SMARCAD1: variants seen among roughly 807,000 people sequenced by gnomAD.
SMARCAD1 encodes SNF2 related chromatin remodeling ATPase with DExD box 1.
Under a neutral mutation model 127.1 loss-of-function variants are expected in SMARCAD1, and 25 were observed. That is an observed-to-expected ratio of 0.20 (90% CI 0.14 to 0.27). SMARCAD1 has a LOEUF of 0.27. SMARCAD1 is among the 10% of genes least tolerant of loss of function. SMARCAD1 has a pLI of 1.00. For synonymous variants in SMARCAD1, 400 were observed against 396.9 expected (o/e 1.01, Z -0.09); for missense variants, 807 against 1,206.0 (o/e 0.67, Z 4.90).
chr4:94,227,907 G>A (rs1745267109), intron 3 of SMARCAD1, among the ~76,000 whole-genome samples: 1 of 152,174 alleles, frequency 6.6e-6, no homozygotes, highest in African/African-American at 2.4e-5. Context: ...GCTGAAGAAG[G>A]GAAGTCCTCT....
In SMARCAD1 at chr4:94,285,035, G is replaced by C. The variant is rs1254413939; in HGVS notation, c.2985G>C (p.Leu995Phe). 6.2e-7 allele frequency: 1 copy of C among 1,613,116 alleles called. No homozygotes were observed. Among genetic ancestry groups the C allele is most frequent in the East Asian group, 2.2e-5 (1 of 44,750 alleles). The change falls in exon 23 of 24, where the codon TTG becomes TTC. Residue 995 changes from leucine (L) to phenylalanine (F), a missense_variant. Transcript: ENST00000354268. ...TGCTAAAAATTAACCAACAGAAATTGAAACTAGAACAGGATATGACTACAG... is the reference window on the plus strand; with the variant it reads ...TGCTAAAAATTAACCAACAGAAATTCAAACTAGAACAGGATATGACTACAG... The part of the protein sequence containing the change: ...ESMLKINQQK[L>F]KLEQDMTTVD...
chr4:94,284,379 C>G (rs1259918452), intron 22 of SMARCAD1, among the ~76,000 whole-genome samples: 1 of 129,704 alleles, frequency 7.7e-6, no homozygotes, highest in Non-Finnish European at 1.6e-5. Context: ...CATCTGAACA[C>G]AGAACTGTTT....
rs2110501430 is a variant in SMARCAD1 at position 94,207,974 on chromosome 4, G to C, written c.-146G>C. 8.3e-6 allele frequency: 3 copies of C among 362,972 alleles called. No homozygotes were observed. The highest frequency in any genetic ancestry group is 6.2e-5 in the South Asian group (3 of 48,070). 22.5% of individuals were successfully genotyped at this position (362,972 alleles called of 1,614,324 possible). Reference sequence around the variant, plus strand: ...CGCGGGCCCTGGCAGGTCCTTTCTCGAGGCAGGGGGCACGGTAGCACAGGG... The same window carrying C: ...CGCGGGCCCTGGCAGGTCCTTTCTCCAGGCAGGGGGCACGGTAGCACAGGG... On this transcript the variant is annotated 5_prime_UTR_variant, in exon 1 of 24. Transcript: ENST00000354268.
chr4:94,218,567 A>G (rs1743581246), intron 2 of SMARCAD1, among the ~76,000 whole-genome samples: 2 of 152,044 alleles, frequency 1.3e-5, no homozygotes, highest in Admixed American at 6.5e-5. Flanking sequence ...TGTTGGGATT[A>G]CCGCACCCAG....
At chr4:94,282,023 G>C (rs183354523) in intron 21 of SMARCAD1, among the ~76,000 whole-genome samples, 17 of 151,378 alleles carry the variant, frequency 1.1e-4, no homozygotes, top group East Asian at 9.8e-4. Flanking sequence ...CTGGGTGACA[G>C]AGCGGGACCC....
At chr4:94,228,867 C>T (rs931012123) in intron 3 of SMARCAD1, among the ~76,000 whole-genome samples, 2 of 151,964 alleles carry the variant, frequency 1.3e-5, no homozygotes, top group Non-Finnish European at 2.9e-5. Flanking sequence ...TTTTCTGTTT[C>T]TCAGGATACT....
chr4:94,254,303 TTTC>T (rs1467253914), intron 9 of SMARCAD1, among the ~76,000 whole-genome samples: 2 of 152,228 alleles, frequency 1.3e-5, no homozygotes, highest in Non-Finnish European at 2.9e-5. Context: ...TTTTCTTCCT[TTTC>T]TTCTTTCTTT....
intron 19 of SMARCAD1, among the ~76,000 whole-genome samples, 158 bp downstream of exon 19, chr4:94,279,208 G>A (rs896135959): frequency 2.0e-5 from 3 of 152,122 alleles, no homozygotes; most frequent in Non-Finnish European, 2.9e-5. Context: ...GCCAAGGCAG[G>A]CAGTCTGGGC....
chr4:94,224,659 A>G (rs554773274), intron 2 of SMARCAD1, among the ~76,000 whole-genome samples: 3 of 152,324 alleles, frequency 2.0e-5, no homozygotes, highest in Admixed American at 2.0e-4. Context: ...GTGAGCCCTA[A>G]TAATGATTGT....
At chr4:94,221,369 T>C (rs1744099962) in intron 2 of SMARCAD1, among the ~76,000 whole-genome samples, 1 of 152,202 alleles carries the variant, frequency 6.6e-6, no homozygotes, top group Non-Finnish European at 1.5e-5. Flanking sequence ...AAAATGTTTT[T>C]TCGTATGGTT....
chr4:94,259,346 A>T (rs1750606835), intron 9 of SMARCAD1, among the ~76,000 whole-genome samples: 1 of 152,226 alleles, frequency 6.6e-6, no homozygotes, highest in South Asian at 2.1e-4. Context: ...GTCACAGCAG[A>T]ATCTAATCAC....
intron 9 of SMARCAD1, among the ~76,000 whole-genome samples, chr4:94,257,686 CA>C (rs755441898): frequency 2.6e-5 from 4 of 151,344 alleles, no homozygotes; most frequent in Non-Finnish European, 4.4e-5. Context: ...TCCGCCCCCA[CA>C]AAAAAAAATC....
intron 22 of SMARCAD1, among the ~76,000 whole-genome samples, chr4:94,284,713 A>G (rs1002526728): frequency 9.2e-5 from 14 of 151,832 alleles, no homozygotes; most frequent in Admixed American, 3.3e-4. Context: ...GATTAGAGGC[A>G]TGAGCCACTG....
intron 23 of SMARCAD1, among the ~76,000 whole-genome samples, chr4:94,286,470 G>C (rs1208659114): frequency 6.6e-6 from 1 of 152,060 alleles, no homozygotes; most frequent in Non-Finnish European, 1.5e-5. Context: ...TAAGGATTCT[G>C]GGTGTGAACT....
chr4:94,289,468 T>G lies in SMARCAD1; in HGVS notation c.3020-5T>G. The G allele has an allele frequency of 6.2e-7, 1 of 1,611,474 alleles. No individual in the cohort carries two copies. The highest frequency in any genetic ancestry group is 8.5e-7 in the Non-Finnish European group (1 of 1,177,880). ...AAGCTTTTAATGCTACTTTCTGACCTACAGGTGATGAAGGGAGTATGCCAG... is the reference window on the plus strand; with the variant it reads ...AAGCTTTTAATGCTACTTTCTGACCGACAGGTGATGAAGGGAGTATGCCAG... On this transcript the variant is annotated splice_region_variant and splice_polypyrimidine_tract_variant and intron_variant, in intron 23 of 23. Coordinates refer to ENST00000354268, the MANE Select transcript of SMARCAD1 (RefSeq NM_020159.5).
In SMARCAD1 at chr4:94,290,257, A is replaced by G. The variant is rs1339849203; in HGVS notation, c.*723A>G. On this transcript the variant is annotated 3_prime_UTR_variant, in exon 24 of 24. Coordinates refer to ENST00000354268, the MANE Select transcript of SMARCAD1 (RefSeq NM_020159.5). ...TTTTCCAACTGCACTAATTGTGCAT[A>G]TTACTCTGCCTAATCTTGTGCATGT... 4.4e-6 allele frequency: 2 copies of G among 454,388 alleles called. No individual in the cohort carries two copies. Among genetic ancestry groups the G allele is most frequent in the South Asian group, 3.1e-5 (2 of 64,482 alleles). The allele number at this position is 454,388 out of a possible 1,614,324, so 28.1% of individuals were successfully genotyped here.
chr4:94,270,844 T>C, intron 11 of SMARCAD1, 26 bp downstream of exon 11: 1 of 1,597,778 alleles, frequency 6.3e-7, no homozygotes, highest in East Asian at 2.2e-5. Flanking sequence ...TTCTAAGATT[T>C]GTTGTTGAAA....
At chr4:94,285,103 AT>A (rs1754740392) in intron 23 of SMARCAD1, 34 bp downstream of exon 23, 4 of 236,686 alleles carry the variant, frequency 1.7e-5, no homozygotes, top group African/African-American at 1.7e-4. Context: ...TTCAATATTT[AT>A]CTATATGACC....
intron 9 of SMARCAD1, among the ~76,000 whole-genome samples, chr4:94,258,155 T>G (rs1193697458): frequency 6.6e-6 from 1 of 152,072 alleles, no homozygotes. Context: ...TCAGATTTTT[T>G]TTTTTTCTTT....
Sources: gnomAD v4.1 joint callset for allele counts (sites outside exome capture counted in the v4.1 genomes callset) on GRCh38, gnomAD v4.1.1 for gene constraint, MANE v1.5 for transcripts, NCBI Gene and HGNC (gene_info 2026-07-23, HGNC 2026-07-21) for gene names.